Variants in KCNH8 observed in about 807,000 individuals in gnomAD.
KCNH8 encodes voltage-gated delayed rectifier potassium channel KCNH8.
In KCNH8, 70 loss-of-function variants were observed where a neutral mutation model predicts 103.6. The observed-to-expected ratio is 0.68, with a 90% CI of 0.56 to 0.82. The LOEUF (loss-of-function observed/expected upper bound fraction) is 0.82. Among genes scored for constraint, KCNH8 ranks in the 40% least tolerant of loss-of-function variants. The probability of loss-of-function intolerance (pLI) is 0.00; values close to 1 mark genes in which losing one functional copy is unlikely to be tolerated. For missense variants in KCNH8, 1,217 were observed against 1,329.9 expected, an observed-to-expected ratio of 0.92 and a Z score of 1.32; for synonymous variants, 498 against 489.4, an observed-to-expected ratio of 1.02 and a Z score of -0.23.
chr3:19,275,819 A>G (rs1339945538), intron 2 of KCNH8, among the ~76,000 whole-genome samples: 1 of 151,908 alleles, frequency 6.6e-6, no homozygotes, highest in African/African-American at 2.4e-5. Context: ...GACACTTTCC[A>G]TATTGATTAG....
chr3:19,197,853 T>G (rs2063617469), intron 1 of KCNH8, among the ~76,000 whole-genome samples: 1 of 152,134 alleles, frequency 6.6e-6, no homozygotes. Flanking sequence ...CAACTAAATT[T>G]TAAGTTATTT....
Position 19,346,058 on chromosome 3 carries a change from C to T in KCNH8, c.571-1667C>T, listed in dbSNP as rs538962356. 1.5e-3 allele frequency among the ~76,000 whole-genome samples: 232 copies of T among 152,024 alleles called. 1 individual carries two copies. Among genetic ancestry groups the T allele is most frequent in the African/African-American group, 5.3e-3 (222 of 41,504 alleles). On this transcript the variant is annotated intron_variant, in intron 4 of 15. Transcript: ENST00000328405. ...ATGTAAAATTTTAATTTCTGTAATA[C>T]GATAGAAAAAACTTATGTGGATAGA...
At chr3:19,276,342 ACCTGGAAATGTTTAGGTCACATAAC>A (rs546413911) in intron 2 of KCNH8, among the ~76,000 whole-genome samples, 92 of 152,198 alleles carry the variant, frequency 6.0e-4, no homozygotes, top group Admixed American at 9.8e-4. Flanking sequence ...TAGGAGGAAC[ACCTGGAAATGTTTAGGTCACATAAC>A]CCTGATGCTC....
chr3:19,445,292 T>C (rs1312977912), intron 8 of KCNH8, among the ~76,000 whole-genome samples: 19 of 151,900 alleles, frequency 1.3e-4, no homozygotes, highest in Admixed American at 1.2e-3. Context: ...TGTAATATAA[T>C]TGGTAACTGT....
intron 3 of KCNH8, among the ~76,000 whole-genome samples, chr3:19,319,437 T>A (rs1423110908): frequency 6.6e-6 from 1 of 151,922 alleles, no homozygotes; most frequent in Middle Eastern, 3.2e-3. Context: ...TTCCCCACTT[T>A]ATGTTTTTGT....
At chr3:19,369,075 A>G (rs1457759798) in intron 5 of KCNH8, among the ~76,000 whole-genome samples, 1 of 152,032 alleles carries the variant, frequency 6.6e-6, no homozygotes, top group African/African-American at 2.4e-5. Context: ...CTAAAGCTCA[A>G]AGAGTTTAAA....
intron 3 of KCNH8, among the ~76,000 whole-genome samples, chr3:19,322,493 T>C (rs1394106706): frequency 6.6e-6 from 1 of 152,190 alleles, no homozygotes; most frequent in Non-Finnish European, 1.5e-5. Flanking sequence ...TGATAATTGT[T>C]TTGTTTTAGG....
intron 7 of KCNH8, among the ~76,000 whole-genome samples, chr3:19,414,686 T>C (rs1298372584): frequency 6.6e-6 from 1 of 152,082 alleles, no homozygotes; most frequent in East Asian, 1.9e-4. Context: ...AAATTAATAT[T>C]ATGCTTACAC....
chr3:19,430,250 CTTGT>C (rs2067099753), intron 7 of KCNH8, among the ~76,000 whole-genome samples: 1 of 152,040 alleles, frequency 6.6e-6, no homozygotes, highest in Admixed American at 6.6e-5. Flanking sequence ...TTGTTTTTGT[CTTGT>C]TTGTCAAAGA....
intron 1 of KCNH8, among the ~76,000 whole-genome samples, chr3:19,151,668 C>A (rs1379013375): frequency 6.6e-6 from 1 of 151,968 alleles, no homozygotes; most frequent in Non-Finnish European, 1.5e-5. Flanking sequence ...GATATTATCA[C>A]AGGGCAACAT....
At chr3:19,164,096 G>A (rs189939462) in intron 1 of KCNH8, among the ~76,000 whole-genome samples, 17 of 152,240 alleles carry the variant, frequency 1.1e-4, no homozygotes, top group Admixed American at 8.5e-4. Context: ...ATATTCAACA[G>A]CTGATATAAC....
At chr3:19,469,290 A>G (rs530548913) in intron 11 of KCNH8, among the ~76,000 whole-genome samples, 2 of 152,330 alleles carry the variant, frequency 1.3e-5, no homozygotes, top group African/African-American at 4.8e-5. Flanking sequence ...TCCCTCAGGA[A>G]GCAAAAACAC....
intron 8 of KCNH8, among the ~76,000 whole-genome samples, chr3:19,439,020 T>G (rs533241749): frequency 6.6e-6 from 1 of 152,276 alleles, no homozygotes; most frequent in South Asian, 2.1e-4. Flanking sequence ...CAAATTTCAT[T>G]TAGATGTGAA....
chr3:19,458,019 A>C (rs1260987968), intron 11 of KCNH8, among the ~76,000 whole-genome samples: 3 of 151,824 alleles, frequency 2.0e-5, no homozygotes, highest in Non-Finnish European at 4.4e-5. Context: ...TGTGTTAAGC[A>C]CTCTACCTAT....
rs199577422 is a variant in KCNH8, at chr3:19,512,931, T to C, written c.2080-39T>C. 2.1e-5 allele frequency: 33 copies of C among 1,571,658 alleles called. No homozygotes were observed. The Admixed American group carries it at 2.6e-4, about 12-fold the overall frequency. On this transcript the variant is annotated intron_variant, in intron 12 of 15. Transcript: ENST00000328405. ...TTAATGATATACCTTTTCTGCGGTT[T>C]TTGCAGTCTGTACTAATTTATATTA...
At chr3:19,525,427 A>G (rs2069048220) in intron 15 of KCNH8, among the ~76,000 whole-genome samples, 1 of 151,902 alleles carries the variant, frequency 6.6e-6, no homozygotes, top group Admixed American at 6.6e-5. Context: ...CTATACAACC[A>G]GTATTCTGAG....
At chr3:19,250,913 A>G (rs547223921) in intron 1 of KCNH8, among the ~76,000 whole-genome samples, 5 of 152,328 alleles carry the variant, frequency 3.3e-5, no homozygotes, top group African/African-American at 9.6e-5. Context: ...TGGCATTATC[A>G]TATAATAGAA....
intron 2 of KCNH8, among the ~76,000 whole-genome samples, chr3:19,259,932 C>A (rs1008589474): frequency 6.6e-6 from 1 of 151,648 alleles, no homozygotes; most frequent in Non-Finnish European, 1.5e-5. Context: ...CTGACCTAAG[C>A]TGTTGAATAA....
intron 11 of KCNH8, among the ~76,000 whole-genome samples, chr3:19,500,728 C>A (rs1001084382): frequency 6.6e-6 from 1 of 152,038 alleles, no homozygotes; most frequent in Non-Finnish European, 1.5e-5. Flanking sequence ...TTCTTTGAAA[C>A]CAACGAGAAC....
Sources: allele counts gnomAD v4.1 joint callset (sites outside exome capture counted in the v4.1 genomes callset), GRCh38; gene constraint gnomAD v4.1.1; transcripts MANE v1.5; gene names NCBI Gene and HGNC (gene_info 2026-07-23, HGNC 2026-07-21).